The following ARID1B variants were observed in gnomAD, a reference collection of about 807,000 sequenced individuals.
The protein encoded by ARID1B is AT-rich interactive domain-containing protein 1B.
In ARID1B, 30 loss-of-function variants were observed where a neutral mutation model predicts 212.3. The ratio of observed to expected loss-of-function variants is 0.14; its 90% CI spans 0.11 to 0.19. The LOEUF is 0.19. ARID1B is among the 10% of genes least tolerant of loss of function. The probability of loss-of-function intolerance (pLI) is 1.00; values close to 1 mark genes in which losing one functional copy is unlikely to be tolerated. For synonymous variants in ARID1B, 1,402 were observed against 1,301.7 expected, an observed-to-expected ratio of 1.08 and a Z score of -1.66; for missense variants, 2,891 against 3,204.0, an observed-to-expected ratio of 0.90 and a Z score of 2.36.
At chr6:157,118,910 G>A (rs569915036) in intron 6 of ARID1B, among the ~76,000 whole-genome samples, 91 of 152,242 alleles carry the variant, frequency 6.0e-4, no homozygotes, top group African/African-American at 2.2e-3. Flanking sequence ...CAATTAAAGT[G>A]GGCTTTTAAT....
At chr6:156,871,481 TG>T in intron 2 of ARID1B, 1 of 721,972 alleles carries the variant, frequency 1.4e-6, no homozygotes, top group Non-Finnish European at 2.4e-6. Context: ...CTGATACAGA[TG>T]GGGACCTGAG....
In ARID1B at chr6:156,908,924, G is replaced by A. The variant is rs762942335; in HGVS notation, c.2136+7399G>A. Among the ~76,000 whole-genome samples the A allele has an allele frequency of 1.8e-4, 28 of 152,078 alleles. 1 individual carries two copies. Among genetic ancestry groups the A allele is most frequent in the South Asian group, 4.2e-4 (2 of 4,800 alleles). On this transcript the variant is annotated intron_variant, in intron 3 of 19. Coordinates refer to ENST00000636930, the MANE Select transcript of ARID1B (RefSeq NM_001374828.1). ...AGAAGAATATACAGATACACAGAAT[G>A]ACATAATGAGCACTCCTATGCCCTC...
intron 4 of ARID1B, among the ~76,000 whole-genome samples, chr6:157,018,526 T>G (rs1780045567): frequency 6.6e-6 from 1 of 152,206 alleles, no homozygotes; most frequent in South Asian, 2.1e-4. Context: ...ACTATTTCCT[T>G]TTTATGATAA....
chr6:157,116,006 A>G (rs187824872), intron 6 of ARID1B, among the ~76,000 whole-genome samples: 25 of 152,346 alleles, frequency 1.6e-4, no homozygotes, highest in Non-Finnish European at 2.9e-4. Flanking sequence ...ACTGAAATGA[A>G]TCTTACAAAA....
intron 2 of ARID1B, among the ~76,000 whole-genome samples, chr6:156,868,673 C>A (rs1023029855): frequency 6.6e-6 from 1 of 152,136 alleles, no homozygotes; most frequent in African/African-American, 2.4e-5. Context: ...TCCCGAAGGC[C>A]CCACCTTTTA....
rs747947340 is a variant in ARID1B at position 156,779,198 on chromosome 6, C to A, written c.1518C>A (p.Leu506=). The A allele has an allele frequency of 7.5e-7, 1 of 1,340,914 alleles. No individual in the cohort carries two copies. The highest frequency in any genetic ancestry group is 9.6e-7 in the Non-Finnish European group (1 of 1,037,376). 83.1% of individuals were successfully genotyped at this position (1,340,914 alleles called of 1,614,324 possible). Residue 506 remains leucine (L), a synonymous_variant, in exon 1 of 20, where the codon CTC becomes CTA. Transcript: ENST00000636930. ...SGATPTLNQL[L]TSPSPMMRSY... is the part of the protein sequence containing the mutation. ...CCACCCCGACCCTCAATCAGCTGCTCACCTCGCCCAGCCCCATGATGCGGA... is the reference window on the plus strand; with the variant it reads ...CCACCCCGACCCTCAATCAGCTGCTAACCTCGCCCAGCCCCATGATGCGGA...
rs200524213 is a variant in ARID1B at position 156,839,883 on chromosome 6, T to C, written c.1986+10462T>C. Among the ~76,000 whole-genome samples the C allele has an allele frequency of 5.3e-5, 8 of 152,352 alleles. No homozygotes were observed. In the East Asian group the frequency reaches 1.2e-3, roughly 22 times the overall value. On this transcript the variant is annotated intron_variant, in intron 2 of 19. Coordinates refer to ENST00000636930, the MANE Select transcript of ARID1B (RefSeq NM_001374828.1). ...AAGGAGCATCATGCAGTGTGCTTAC[T>C]TCCAAATCAAACTCTGCTATGATCT...
chr6:156,936,417 T>C (rs1016245976), intron 4 of ARID1B: 1 of 152,034 alleles, frequency 6.6e-6, no homozygotes, highest in Admixed American at 6.5e-5. Context: ...GGGGTTTCTA[T>C]TTATAAGAGT....
intron 4 of ARID1B, chr6:156,940,279 A>T (rs1792569362): frequency 6.6e-6 from 1 of 152,160 alleles, no homozygotes; most frequent in Non-Finnish European, 1.5e-5. Context: ...GGTCATTAAA[A>T]ACCTCTTTGT....
chr6:156,840,556 T>C (rs1783821826), intron 2 of ARID1B, among the ~76,000 whole-genome samples: 1 of 152,232 alleles, frequency 6.6e-6, no homozygotes, highest in Non-Finnish European at 1.5e-5. Context: ...CAAAAATGTC[T>C]GTGTGCTTTA....
At chr6:156,776,557 T>C (rs1398919819), upstream of ARID1B, 1 of 152,274 alleles carries the variant, frequency 6.6e-6, no homozygotes, top group Non-Finnish European at 1.5e-5. Context: ...GTCGCTGTTC[T>C]GGCACCAAGA....
Position 156,832,964 on chromosome 6 carries a change from C to T in ARID1B, c.1986+3543C>T, listed in dbSNP as rs376802877. Among the ~76,000 whole-genome samples, 51 of 152,286 alleles carry T rather than the reference C, an allele frequency of 3.3e-4. No homozygotes were observed. In the South Asian group the frequency reaches 9.5e-3, roughly 28 times the overall value. On this transcript the variant is annotated intron_variant, in intron 2 of 19. Transcript: ENST00000636930. ...CTTTCACTTGCCAGTTCTCCCACAT[C>T]ATCAGGCAAATACATGGCTAAACAG... is the stretch of plus-strand genomic sequence containing the variant.
Position 156,778,870 on chromosome 6 carries a change from G to A in ARID1B, c.1190G>A (p.Gly397Asp), listed in dbSNP as rs756982067. 1 of 1,393,722 alleles carries A rather than the reference G, an allele frequency of 7.2e-7. No homozygotes were observed. The highest frequency in any genetic ancestry group is 9.4e-7 in the Non-Finnish European group (1 of 1,065,754). 86.3% of individuals were successfully genotyped at this position (1,393,722 alleles called of 1,614,324 possible). ...PGAGGGGGGG[G>D]GGGGGSGGGG... ...GCGGGCGGCGGCGGCGGCGGCGGCG[G>A]CGGAGGAGGAGGAGGCAGCGGAGGA... The change falls in exon 1 of 20, where the codon GGC becomes GAC. Residue 397 changes from glycine to aspartate, a missense_variant. Coordinates refer to ENST00000636930, the MANE Select transcript of ARID1B (RefSeq NM_001374828.1).
intron 6 of ARID1B, 144 bp from the exon 7 acceptor site, chr6:157,132,884 A>T: frequency 1.1e-6 from 1 of 876,058 alleles, no homozygotes; most frequent in Non-Finnish European, 1.7e-6. Context: ...CGCTGAACTG[A>T]GATGTCTTTA....
intron 4 of ARID1B, among the ~76,000 whole-genome samples, chr6:157,074,416 G>A (rs1784185897): frequency 6.6e-6 from 1 of 152,056 alleles, no homozygotes; most frequent in Admixed American, 6.6e-5. Flanking sequence ...GTAGAGATGG[G>A]GTTTCACCAT....
intron 9 of ARID1B, chr6:157,169,490 G>A (rs771842807): frequency 6.6e-6 from 1 of 152,188 alleles, no homozygotes; most frequent in African/African-American, 2.4e-5. Flanking sequence ...AAATGCCAAG[G>A]GAAGGAGGAT....
rs768271181 is a variant in ARID1B, at chr6:156,778,954, C to G, written c.1274C>G (p.Ala425Gly). The change falls in exon 1 of 20, where the codon GCG becomes GGG. Residue 425 changes from alanine (A) to glycine (G), a missense_variant. By Grantham distance (60) the Ala-to-Gly change is moderately conservative. This residue lies in a region of ARID1B where 1,643 missense variants were observed against 1,544.0 expected (regional missense o/e 1.06). Coordinates refer to ENST00000636930, the MANE Select transcript of ARID1B (RefSeq NM_001374828.1). Reference sequence around the variant, plus strand: ...GCAGGAGCGGGAGCTGTGGCGGCGGCGGCCGCGGCGGCGGCGGCAGCAGCA... The same window carrying G: ...GCAGGAGCGGGAGCTGTGGCGGCGGGGGCCGCGGCGGCGGCGGCAGCAGCA... ...GGAGAGAVAA[A>G]AAAAAAAAGG... 7.8e-7 allele frequency: 1 copy of G among 1,285,078 alleles called. No individual in the cohort carries two copies. Among genetic ancestry groups the G allele is most frequent in the Non-Finnish European group, 9.8e-7 (1 of 1,025,162 alleles). The allele number at this position is 1,285,078 out of a possible 1,614,324, so 79.6% of individuals were successfully genotyped here.
intron 8 of ARID1B, among the ~76,000 whole-genome samples, chr6:157,157,739 C>T (rs986563151): frequency 6.6e-6 from 1 of 152,182 alleles, no homozygotes; most frequent in Non-Finnish European, 1.5e-5. Context: ...AAAAACCAAA[C>T]AGGCCGGGCA....
At chr6:156,980,098 AGCATTT>A (rs780255206) in intron 4 of ARID1B, among the ~76,000 whole-genome samples, 1 of 152,228 alleles carries the variant, frequency 6.6e-6, no homozygotes, top group Non-Finnish European at 1.5e-5. Context: ...GTAAAAATTT[AGCATTT>A]GCCATTAAAC....
Sources: gnomAD v4.1 joint callset for allele counts (sites outside exome capture counted in the v4.1 genomes callset) on GRCh38, gnomAD v4.1.1 for gene constraint, gnomAD v4.1.1 regional missense constraint, MANE v1.5 for transcripts, NCBI Gene and HGNC (gene_info 2026-07-23, HGNC 2026-07-21) for gene names.